The following BSN variants were observed in gnomAD, a reference collection of about 807,000 sequenced individuals.
BSN encodes protein bassoon.
BSN carries 57 observed loss-of-function variants against 264.8 expected under a neutral mutation model. The ratio of observed to expected loss-of-function variants is 0.22; its 90% CI spans 0.17 to 0.27. The LOEUF (loss-of-function observed/expected upper bound fraction) is 0.27. Among genes scored for constraint, BSN ranks in the 10% least tolerant of loss-of-function variants. The pLI is 1.00. For missense variants in BSN, 4,615 were observed against 5,232.5 expected (o/e 0.88, Z 3.64); for synonymous variants, 2,059 against 2,137.3 (o/e 0.96, Z 1.01).
At chr3:49,587,072 T>C (rs1365511489) in intron 1 of BSN, among the ~76,000 whole-genome samples, 2 of 152,198 alleles carry the variant, frequency 1.3e-5, no homozygotes, top group Non-Finnish European at 2.9e-5. Context: ...TGGTGTCCTC[T>C]TCAATTTAAT....
At chr3:49,586,862 C>G (rs763671549) in intron 1 of BSN, among the ~76,000 whole-genome samples, 24 of 152,186 alleles carry the variant, frequency 1.6e-4, no homozygotes, top group Non-Finnish European at 3.5e-4. Flanking sequence ...CAGCTTTGTT[C>G]TTTTTGCTTA....
At chr3:49,595,692 T>G (rs2052017848) in intron 1 of BSN, among the ~76,000 whole-genome samples, 1 of 152,178 alleles carries the variant, frequency 6.6e-6, no homozygotes, top group South Asian at 2.1e-4. Context: ...CCTATTTCAT[T>G]TTATTTGGAA....
At chr3:49,648,614 C>A (rs2052517252) in intron 3 of BSN, among the ~76,000 whole-genome samples, 1 of 152,226 alleles carries the variant, frequency 6.6e-6, no homozygotes, top group African/African-American at 2.4e-5. Context: ...TCTCCCATGT[C>A]CTGTTCATCT....
In BSN at chr3:49,662,474, T is replaced by C. The variant is rs377173750; in HGVS notation, c.10629T>C (p.His3543=). ...ACTCCATGCCTGATGTCCAGGAACA[T>C]GTCAAGGACGGACCTCGGGCCCACG... ...SSHSMPDVQE[H]VKDGPRAHAY... Residue 3543 remains histidine (H), a synonymous_variant, in exon 6 of 12, where the codon CAT becomes CAC. Transcript: ENST00000296452. 17 of 1,613,690 alleles carry C rather than the reference T, an allele frequency of 1.1e-5. No individual in the cohort carries two copies. Among genetic ancestry groups the C allele is most frequent in the Middle Eastern group, 1.6e-4 (1 of 6,062 alleles).
intron 2 of BSN, among the ~76,000 whole-genome samples, chr3:49,635,567 A>C (rs1196556997): frequency 6.6e-6 from 1 of 152,214 alleles, no homozygotes; most frequent in African/African-American, 2.4e-5. Flanking sequence ...CAAAGCCACT[A>C]TCTGGATTTA....
At chr3:49,635,620 A>G (rs1347912688) in intron 2 of BSN, among the ~76,000 whole-genome samples, 4 of 152,148 alleles carry the variant, frequency 2.6e-5, no homozygotes, top group Non-Finnish European at 5.9e-5. Context: ...TATCCATTCT[A>G]CCATCTATTT....
intron 3 of BSN, among the ~76,000 whole-genome samples, chr3:49,648,976 G>A (rs983201167): frequency 7.2e-5 from 11 of 152,206 alleles, no homozygotes; most frequent in African/African-American, 2.4e-4. Context: ...TAACCAGCCT[G>A]GGGAGCAGGC....
In BSN at chr3:49,655,198, A is replaced by G. The variant is rs148559259; in HGVS notation, c.5642A>G (p.Glu1881Gly). ...GGCACTGTGACCACACTGCTCCCAG[A>G]GGAGCCTGCGGGTGCCCTGGACCTT... ...TAGTVTTLLP[E>G]EPAGALDLTG... Residue 1881 changes from glutamate (E) to glycine (G), a missense_variant, in exon 5 of 12, where the codon GAG (glutamate) becomes GGG (glycine). Physicochemically the swap from Glu to Gly is moderately conservative, Grantham distance 98. Transcript: ENST00000296452. The G allele has an allele frequency of 6.2e-7, 1 of 1,612,988 alleles. No homozygotes were observed. The highest frequency in any genetic ancestry group is 8.5e-7 in the Non-Finnish European group (1 of 1,179,898).
chr3:49,564,582 G>A (rs954059274), intron 1 of BSN, among the ~76,000 whole-genome samples: 1 of 152,194 alleles, frequency 6.6e-6, no homozygotes, highest in Non-Finnish European at 1.5e-5. Flanking sequence ...ATCTGACCTG[G>A]AGTGGGGTGG....
chr3:49,606,189 T>A lies in BSN; in HGVS notation c.225-18786T>A, dbSNP rs868124100. Among the ~76,000 whole-genome samples, 174 of 43,732 alleles carry A rather than the reference T, an allele frequency of 4.0e-3. 2 individuals are homozygous for A. Among genetic ancestry groups the A allele is most frequent in the African/African-American group, 0.02 (163 of 8,244 alleles). The allele number at this position is 43,732 out of a possible 152,430, so 28.7% of individuals were successfully genotyped here. On this transcript the variant is annotated intron_variant, in intron 1 of 11. Coordinates refer to ENST00000296452, the MANE Select transcript of BSN (RefSeq NM_003458.4). Reference sequence around the variant, plus strand: ...ACATATATTATATATGTATATATATTATATATACATATATTATATATGTAT... The same window carrying A: ...ACATATATTATATATGTATATATATAATATATACATATATTATATATGTAT...
intron 2 of BSN, among the ~76,000 whole-genome samples, chr3:49,631,876 A>T (rs540221951): frequency 1.1e-3 from 172 of 152,316 alleles, no homozygotes; most frequent in African/African-American, 4.0e-3. Flanking sequence ...AGCCAAAATA[A>T]TTGTGAAAAA....
chr3:49,565,047 C>T (rs886428771), intron 1 of BSN, among the ~76,000 whole-genome samples: 1 of 150,198 alleles, frequency 6.7e-6, no homozygotes, highest in Non-Finnish European at 1.5e-5. Context: ...TGAAGTCTCT[C>T]CTGCAAACCT....
At chr3:49,579,563 C>T (rs1014198553) in intron 1 of BSN, among the ~76,000 whole-genome samples, 28 of 151,638 alleles carry the variant, frequency 1.8e-4, no homozygotes, top group African/African-American at 3.1e-4. Flanking sequence ...TCACCACGCC[C>T]AGCTGATTTT....
At chr3:49,612,656 G>A (rs1194084958) in intron 1 of BSN, among the ~76,000 whole-genome samples, 1 of 152,190 alleles carries the variant, frequency 6.6e-6, no homozygotes, top group Admixed American at 6.5e-5. Flanking sequence ...GCAGGGTGTG[G>A]CAGGTGAGGG....
At chr3:49,590,219 G>A (rs561730782) in intron 1 of BSN, among the ~76,000 whole-genome samples, 2 of 152,044 alleles carry the variant, frequency 1.3e-5, no homozygotes, top group African/African-American at 4.8e-5. Flanking sequence ...GCTGTCTGTG[G>A]TTGCTGTTTG....
At position 49,579,434 on chromosome 3, in the gene BSN, G is replaced by A. The variant is rs1386079418; in HGVS notation, c.224+24608G>A. Among the ~76,000 whole-genome samples the A allele has an allele frequency of 1.5e-4, 23 of 149,234 alleles. No homozygotes were observed. In the South Asian group the frequency reaches 3.6e-3, roughly 23 times the overall value. ...TTTTTTTTTTTTGAGACGGAGTCTC[G>A]CACTGTTGCCCAGGCTGGAGTGCAG... On this transcript the variant is annotated intron_variant, in intron 1 of 11. Transcript: ENST00000296452.
In BSN at chr3:49,654,500, C is replaced by T; in HGVS notation, c.4944C>T (p.Val1648=). 1.9e-6 allele frequency: 3 copies of T among 1,611,208 alleles called. No homozygotes were observed. The highest frequency in any genetic ancestry group is 2.2e-5 in the South Asian group (2 of 90,538). ...ENISLCRISS[V]PGTSRVEPGP... is the part of the protein sequence containing the mutation. ...TCTCCCTGTGCCGGATCTCCTCTGT[C>T]CCTGGGACGTCTAGGGTTGAGCCAG... The change falls in exon 5 of 12, where the codon GTC becomes GTT. Residue 1648 remains valine, a synonymous_variant. Transcript: ENST00000296452. The surrounding 1 kb of genome is among the most constrained non-coding windows in gnomAD (Gnocchi z 4.1).
intron 1 of BSN, among the ~76,000 whole-genome samples, chr3:49,561,581 C>T: frequency 6.6e-6 from 1 of 152,176 alleles, no homozygotes; most frequent in East Asian, 1.9e-4. Context: ...AAAAATTATG[C>T]ACTATATATT....
At chr3:49,595,195 T>C (rs2329022) in intron 1 of BSN, among the ~76,000 whole-genome samples, 112,664 of 142,526 alleles carry the variant, frequency 0.79, 44,774 homozygotes, top group East Asian at 0.98. Context: ...GGCCACAATT[T>C]TTTTTTTTTT....
Sources: gnomAD v4.1 joint callset for allele counts (sites outside exome capture counted in the v4.1 genomes callset) on GRCh38, gnomAD v4.1.1 for gene constraint, Gnocchi (gnomAD v3.1) non-coding constraint, MANE v1.5 for transcripts, NCBI Gene and HGNC (gene_info 2026-07-23, HGNC 2026-07-21) for gene names.